Variants in TC2N observed in about 807,000 individuals in gnomAD.
TC2N encodes tandem C2 domains nuclear protein.
In TC2N, 51 loss-of-function variants were observed where a neutral mutation model predicts 61.9. The observed-to-expected ratio is 0.82, with a 90% CI of 0.66 to 1.04. The LOEUF (loss-of-function observed/expected upper bound fraction) is 1.04. Among genes scored for constraint, TC2N ranks in the 50% least tolerant of loss-of-function variants. The pLI is 0.00. For synonymous variants in TC2N, 204 were observed against 192.6 expected (o/e 1.06, Z -0.49); for missense variants, 556 against 566.7 (o/e 0.98, Z 0.19).
intron 1 of TC2N, among the ~76,000 whole-genome samples, chr14:91,849,406 C>T (rs747548170): frequency 2.6e-5 from 4 of 151,992 alleles, no homozygotes; most frequent in South Asian, 4.1e-4. Context: ...TAATAAAAGA[C>T]AGTGAAGTTG....
Position 91,792,492 on chromosome 14 carries a change from C to T in TC2N, c.922G>A (p.Val308Ile). 1 of 1,608,886 alleles carries T rather than the reference C, an allele frequency of 6.2e-7. No individual in the cohort carries two copies. Among genetic ancestry groups the T allele is most frequent in the Non-Finnish European group, 8.5e-7 (1 of 1,176,496 alleles). Residue 308 changes from valine (V) to isoleucine (I), a missense_variant, in exon 9 of 12, where the codon GTA becomes ATA. By Grantham distance (29) the Val-to-Ile change is conservative (BLOSUM62 3). Coordinates refer to ENST00000435962, the MANE Select transcript of TC2N (RefSeq NM_001128596.3). The part of the protein sequence containing the change: ...KLQNLQTVRL[V>I]FKIQTQTPRK... ...GGAGTCTGGGTTTGAATCTTAAATACAAGTCTTACAGTTTGTAGATTTTGA... is the reference window on the plus strand; with the variant it reads ...GGAGTCTGGGTTTGAATCTTAAATATAAGTCTTACAGTTTGTAGATTTTGA...
Position 91,785,204 on chromosome 14 carries a change from A to G in TC2N, c.1320T>C (p.Leu440=). The change falls in exon 11 of 12, where the codon CTT becomes CTC. Residue 440 remains leucine, a synonymous_variant. Coordinates refer to ENST00000435962, the MANE Select transcript of TC2N (RefSeq NM_001128596.3). ...TTCTTCTTACAGAGCTTCGACTGTA[A>G]AGCTTAATGAGAAAAACAATTTCTT... ...SEKEIVFLIK[L]YSRSSVRRKH... is the part of the protein sequence containing the mutation. 1 of 1,613,740 alleles carries G rather than the reference A, an allele frequency of 6.2e-7. No individual in the cohort carries two copies. The highest frequency in any genetic ancestry group is 8.5e-7 in the Non-Finnish European group (1 of 1,179,760).
intron 3 of TC2N, among the ~76,000 whole-genome samples, chr14:91,806,971 C>T (rs7146905): frequency 0.067 from 10,189 of 152,274 alleles, 1,026 homozygotes; most frequent in African/African-American, 0.22. Context: ...GGACTTGGTG[C>T]CCTGCATCCC....
chr14:91,833,233 T>C (rs1039579450), intron 1 of TC2N, among the ~76,000 whole-genome samples: 5 of 152,190 alleles, frequency 3.3e-5, no homozygotes. Flanking sequence ...TTTGCACATA[T>C]GAAATAATTT....
chr14:91,821,148 G>A (rs909041227), intron 1 of TC2N, among the ~76,000 whole-genome samples: 1 of 151,834 alleles, frequency 6.6e-6, no homozygotes, highest in South Asian at 2.1e-4. Context: ...ATATGGGAAC[G>A]TAAAGGGTGC....
intron 9 of TC2N, among the ~76,000 whole-genome samples, chr14:91,788,807 T>C (rs1885489654): frequency 6.6e-6 from 1 of 152,230 alleles, no homozygotes; most frequent in Non-Finnish European, 1.5e-5. Flanking sequence ...ACTGTTGGAA[T>C]TTAATTTCCC....
At chr14:91,833,954 G>T (rs560588022) in intron 1 of TC2N, among the ~76,000 whole-genome samples, 1 of 152,244 alleles carries the variant, frequency 6.6e-6, no homozygotes, top group South Asian at 2.1e-4. Flanking sequence ...AACGAAGACT[G>T]AAGTGAAACT....
chr14:91,810,681 A>C (rs568880895), intron 3 of TC2N, among the ~76,000 whole-genome samples: 1 of 152,290 alleles, frequency 6.6e-6, no homozygotes, highest in African/African-American at 2.4e-5. Context: ...TGTAAAAATA[A>C]GAAATTGCAG....
At chr14:91,836,882 T>G (rs969168022) in intron 1 of TC2N, among the ~76,000 whole-genome samples, 1 of 152,212 alleles carries the variant, frequency 6.6e-6, no homozygotes, top group Non-Finnish European at 1.5e-5. Context: ...GCAGGGGCAG[T>G]CTTTCTGGCG....
intron 1 of TC2N, among the ~76,000 whole-genome samples, chr14:91,836,689 C>T (rs551839680): frequency 8.9e-4 from 81 of 91,334 alleles, no homozygotes; most frequent in African/African-American, 2.8e-3. Flanking sequence ...GCGGGGCCTC[C>T]CGCGTACCTG....
Position 91,798,290 on chromosome 14 carries a change from C to G in TC2N, c.738+9G>C. The G allele has an allele frequency of 7.2e-7, 1 of 1,392,142 alleles. No individual in the cohort carries two copies. The highest frequency in any genetic ancestry group is 1.0e-6 in the Non-Finnish European group (1 of 1,004,004). The allele number at this position is 1,392,142 out of a possible 1,614,324, so 86.2% of individuals were successfully genotyped here. On this transcript the variant is annotated intron_variant, in intron 7 of 11. Transcript: ENST00000435962. ...GTAATAAAAGCTGGTATTAACTATA[C>G]TAATTTACCTGTAAAACTGTGATCC...
At chr14:91,843,223 AT>A (rs56757089) in intron 1 of TC2N, among the ~76,000 whole-genome samples, 18,471 of 150,070 alleles carry the variant, frequency 0.12, 1,373 homozygotes, top group East Asian at 0.24. Context: ...ATAAAAGATG[AT>A]TTTTTTTTTG....
At chr14:91,860,715 G>A (rs1888573123) in intron 1 of TC2N, among the ~76,000 whole-genome samples, 1 of 152,066 alleles carries the variant, frequency 6.6e-6, no homozygotes, top group Non-Finnish European at 1.5e-5. Flanking sequence ...AGGAATTCTG[G>A]GTCATCCTTT....
Position 91,781,910 on chromosome 14 carries a change from C to T in TC2N, c.*1190G>A, listed in dbSNP as rs1245562650. 6.6e-6 allele frequency: 1 copy of T among 151,896 alleles called. No homozygotes were observed. The highest frequency in any genetic ancestry group is 1.5e-5 in the Non-Finnish European group (1 of 67,904). 9.4% of individuals were successfully genotyped at this position (151,896 alleles called of 1,614,324 possible). A position where few individuals can be genotyped will look rare whatever the true frequency, so the allele number is the denominator to read the frequency against. On this transcript the variant is annotated 3_prime_UTR_variant, in exon 12 of 12. Transcript: ENST00000435962. ...AGGTTATAGCAAGGTATACTCCTGG[C>T]CTAAAATATCACCATCTTTCTCTGC...
rs910380737 is a variant in TC2N, at chr14:91,837,082, C to T, written c.-56-23257G>A. 1.3e-5 allele frequency among the ~76,000 whole-genome samples: 2 copies of T among 152,374 alleles called. No individual in the cohort carries two copies. Among genetic ancestry groups the T allele is most frequent in the Admixed American group, 1.3e-4 (2 of 15,310 alleles). On this transcript the variant is annotated intron_variant, in intron 1 of 11. Transcript: ENST00000435962. The surrounding 1 kb of genome is among the most constrained non-coding windows in gnomAD (Gnocchi z 4.2). ...AATGTATCCACCACAGCACCTCACA[C>T]CCCCGATTCTATGAGGGATCCCCTC... is the stretch of plus-strand genomic sequence containing the variant.
rs1419120647 is a variant in TC2N at position 91,781,478 on chromosome 14, T to C, written c.*1622A>G. The C allele has an allele frequency of 6.6e-6, 1 of 152,096 alleles. No individual in the cohort carries two copies. The highest frequency in any genetic ancestry group is 1.5e-5 in the Non-Finnish European group (1 of 67,966). The allele number at this position is 152,096 out of a possible 1,614,324, so 9.4% of individuals were successfully genotyped here. A position where few individuals can be genotyped will look rare whatever the true frequency, so the allele number is the denominator to read the frequency against. ...AGGATACTGATAGCCTGGGAGGCTG[T>C]TGAGGGCTTTGTCAGGGGAGAAAGG... On this transcript the variant is annotated 3_prime_UTR_variant, in exon 12 of 12. Coordinates refer to ENST00000435962, the MANE Select transcript of TC2N (RefSeq NM_001128596.3).
rs925785011 is a variant in TC2N at position 91,781,291 on chromosome 14, G to A, written c.*1809C>T. The A allele has an allele frequency of 2.6e-5, 4 of 152,050 alleles. No homozygotes were observed. The highest frequency in any genetic ancestry group is 4.4e-5 in the Non-Finnish European group (3 of 67,950). The allele number at this position is 152,050 out of a possible 1,614,324, so 9.4% of individuals were successfully genotyped here. ...GCATTTGCAGAGGATGTTTAGGGCA[G>A]CGAAACTATACTATATTATAATGAT... is the stretch of plus-strand genomic sequence containing the variant. On this transcript the variant is annotated 3_prime_UTR_variant, in exon 12 of 12. Transcript: ENST00000435962.
chr14:91,784,131 A>G (rs1885250734), intron 11 of TC2N, among the ~76,000 whole-genome samples: 1 of 152,134 alleles, frequency 6.6e-6, no homozygotes, highest in Non-Finnish European at 1.5e-5. Flanking sequence ...CCTTTCCAGA[A>G]TTATTATTCT....
chr14:91,812,228 A>C (rs1468171683), intron 3 of TC2N, 84 bp downstream of exon 3: 1 of 690,534 alleles, frequency 1.4e-6, no homozygotes, highest in Non-Finnish European at 2.1e-6. Flanking sequence ...TTTTATATGA[A>C]TTTTGTATTA....
Sources: allele counts gnomAD v4.1 joint callset (sites outside exome capture counted in the v4.1 genomes callset), GRCh38; gene constraint gnomAD v4.1.1; non-coding constraint Gnocchi (gnomAD v3.1); transcripts MANE v1.5; gene names NCBI Gene and HGNC (gene_info 2026-07-23, HGNC 2026-07-21).